Variants in APAF1 observed in about 807,000 individuals in gnomAD.
APAF1 encodes apoptotic peptidase activating factor 1, also known as apoptotic protease-activating factor 1.
APAF1 carries 91 observed loss-of-function variants against 152.4 expected under a neutral mutation model. The observed-to-expected ratio is 0.60, with a 90% confidence interval of 0.50 to 0.71. APAF1 has a LOEUF of 0.71. Among genes scored for constraint, APAF1 ranks in the 30% least tolerant of loss-of-function variants. The pLI is 0.00. For missense variants in APAF1, 1,283 were observed against 1,472.0 expected (o/e 0.87, Z 2.10); for synonymous variants, 484 against 494.1 (o/e 0.98, Z 0.27).
intron 16 of APAF1, among the ~76,000 whole-genome samples, chr12:98,689,023 C>T (rs1355716774): frequency 6.6e-6 from 1 of 151,996 alleles, no homozygotes; most frequent in Admixed American, 6.6e-5. Flanking sequence ...CTATGTTTCC[C>T]AGGCTGGTCT....
chr12:98,671,486 C>G, intron 11 of APAF1, 49 bp from the exon 12 acceptor site: 1 of 1,555,930 alleles, frequency 6.4e-7, no homozygotes. Context: ...GGAAAAATGT[C>G]AGATCGTGGC....
At chr12:98,682,281 C>T (rs1319285795) in intron 14 of APAF1, among the ~76,000 whole-genome samples, 2 of 150,214 alleles carry the variant, frequency 1.3e-5, no homozygotes, top group African/African-American at 4.9e-5. Flanking sequence ...TGTTGATCTC[C>T]TGACCTCGTG....
intron 22 of APAF1, among the ~76,000 whole-genome samples, chr12:98,716,806 G>A (rs779162481): frequency 4.6e-5 from 7 of 151,878 alleles, no homozygotes; most frequent in Non-Finnish European, 8.8e-5. Flanking sequence ...TAGATCTCCC[G>A]GACTGATAAT....
chr12:98,678,646 T>C (rs1386101098), intron 13 of APAF1, among the ~76,000 whole-genome samples: 1 of 152,230 alleles, frequency 6.6e-6, no homozygotes, highest in African/African-American at 2.4e-5. Context: ...CAGGCATCCC[T>C]GTACTCTTGG....
rs369909924 is a variant in APAF1 at position 98,662,798 on chromosome 12, A to T, written c.947A>T (p.Glu316Val). The change falls in exon 7 of 27, where the codon GAA becomes GTA. Residue 316 changes from glutamate (E) to valine (V), a missense_variant. By Grantham distance (121) the Glu-to-Val change is moderately radical (BLOSUM62 -2). Transcript: ENST00000551964. ...GAACAAGCTCATAGTATTATAAAAGAATGTAAAGGTATGGTTATTTATTTG... is the reference window on the plus strand; with the variant it reads ...GAACAAGCTCATAGTATTATAAAAGTATGTAAAGGTATGGTTATTTATTTG... The part of the protein sequence containing the change: ...LPEQAHSIIK[E>V]CKGSPLVVSL... 4 of 1,609,022 alleles carry T rather than the reference A, an allele frequency of 2.5e-6. No homozygotes were observed. Among genetic ancestry groups the T allele is most frequent in the East Asian group, 4.5e-5 (2 of 44,720 alleles).
intron 12 of APAF1, among the ~76,000 whole-genome samples, chr12:98,672,393 G>T (rs1437250826): frequency 6.6e-6 from 1 of 152,148 alleles, no homozygotes; most frequent in Admixed American, 6.5e-5. Flanking sequence ...TCAAACTCCT[G>T]ATTTCAAGTG....
chr12:98,727,823 C>G (rs2097752832), intron 26 of APAF1, among the ~76,000 whole-genome samples: 1 of 151,768 alleles, frequency 6.6e-6, no homozygotes, highest in Non-Finnish European at 1.5e-5. Flanking sequence ...TGCCTGTAAT[C>G]CCAGCTACTT....
chr12:98,734,483 TAA>T lies in APAF1; in HGVS notation c.*1919_*1920del, dbSNP rs1303887363. 6.6e-6 allele frequency: 1 copy of T among 152,512 alleles called. No homozygotes were observed. The highest frequency in any genetic ancestry group is 1.5e-5 in the Non-Finnish European group (1 of 68,030). 9.4% of individuals were successfully genotyped at this position (152,512 alleles called of 1,614,324 possible). A position where few individuals can be genotyped will look rare whatever the true frequency, so the allele number is the denominator to read the frequency against. ...TTTTTTTTGTTTCTGTAACTGGAAC[TAA>T]ATCAAATGATTACTAGTGTTAATAG... On this transcript the variant is annotated 3_prime_UTR_variant, in exon 27 of 27. Transcript: ENST00000551964.
chr12:98,668,965 T>G (rs2097676824), intron 10 of APAF1, among the ~76,000 whole-genome samples: 1 of 152,184 alleles, frequency 6.6e-6, no homozygotes, highest in African/African-American at 2.4e-5. Context: ...ACTAAAAATG[T>G]TTACATTTGG....
At chr12:98,699,331 T>A (rs1297518457) in intron 16 of APAF1, 77 bp from the exon 17 acceptor site, 1 of 1,447,076 alleles carries the variant, frequency 6.9e-7, no homozygotes, top group Non-Finnish European at 9.5e-7. Flanking sequence ...TTATGTGGCA[T>A]TTAATTTAGG....
chr12:98,690,801 T>A (rs2153329088), intron 16 of APAF1, among the ~76,000 whole-genome samples: 1 of 152,286 alleles, frequency 6.6e-6, no homozygotes, highest in South Asian at 2.1e-4. Context: ...TAATGTTACC[T>A]CATACCCATT....
In APAF1 at chr12:98,662,570, T is replaced by C; in HGVS notation, c.823+2T>C. 1 of 1,610,018 alleles carries C rather than the reference T, an allele frequency of 6.2e-7. No individual in the cohort carries two copies. Among genetic ancestry groups the C allele is most frequent in the Non-Finnish European group, 8.5e-7 (1 of 1,176,488 alleles). On this transcript the variant is annotated splice_donor_variant, in intron 6 of 26. Coordinates refer to ENST00000551964, the MANE Select transcript of APAF1 (RefSeq NM_181861.2). LOFTEE classifies it high-confidence loss of function. ...AGAGTGTTACAGATTCAGTAATGGG[T>C]AAGGATTATTCGTTTACTTTTTAGT...
chr12:98,715,236 A>G (rs549938748), intron 21 of APAF1, among the ~76,000 whole-genome samples, 191 bp from the exon 22 acceptor site: 40 of 2,582 alleles, frequency 0.015, no homozygotes, highest in African/African-American at 0.042. Context: ...CATGGTGTGC[A>G]TATATATATA....
intron 22 of APAF1, among the ~76,000 whole-genome samples, chr12:98,717,848 G>A (rs540885087): frequency 3.4e-4 from 51 of 152,238 alleles, no homozygotes; most frequent in African/African-American, 1.2e-3. Flanking sequence ...AAAGCTCTGT[G>A]TGTTGACTGA....
intron 14 of APAF1, among the ~76,000 whole-genome samples, chr12:98,682,122 C>T (rs1184103060): frequency 3.4e-5 from 5 of 146,438 alleles, no homozygotes; most frequent in Admixed American, 6.9e-5. Flanking sequence ...GGCGCTATCT[C>T]GGCTCACTGC....
intron 12 of APAF1, among the ~76,000 whole-genome samples, chr12:98,673,457 C>CA (rs1007721760): frequency 7.3e-4 from 100 of 137,828 alleles, no homozygotes; most frequent in Middle Eastern, 7.7e-3. Context: ...AAAAAAAAAA[C>CA]AAAAAAAAAA....
intron 23 of APAF1, 94 bp from the exon 24 acceptor site, chr12:98,723,543 CTT>C (rs2097746049): frequency 4.8e-6 from 6 of 1,237,756 alleles, no homozygotes; most frequent in Non-Finnish European, 6.9e-6. Context: ...TATTAAAACT[CTT>C]GTTTTATAGA....
intron 21 of APAF1, chr12:98,712,668 C>T: frequency 2.2e-6 from 1 of 464,622 alleles, no homozygotes; most frequent in Non-Finnish European, 3.9e-6. Flanking sequence ...AGGTGTACGT[C>T]ACCATGCCCG....
intron 16 of APAF1, among the ~76,000 whole-genome samples, chr12:98,690,235 G>A (rs1011991505): frequency 4.6e-5 from 7 of 152,192 alleles, no homozygotes; most frequent in African/African-American, 1.7e-4. Context: ...TTACTCCAGA[G>A]TATCTAGAAA....
Sources: allele counts gnomAD v4.1 joint callset (sites outside exome capture counted in the v4.1 genomes callset), GRCh38; gene constraint gnomAD v4.1.1; transcripts MANE v1.5; gene names NCBI Gene and HGNC (gene_info 2026-07-23, HGNC 2026-07-21).